Variants in RELB observed in about 807,000 individuals in gnomAD.
The protein encoded by RELB is RELB proto-oncogene, NF-kB subunit, also known as transcription factor RelB.
Under a neutral mutation model 55.4 loss-of-function variants are expected in RELB, and 14 were observed. That is an observed-to-expected ratio of 0.25 (90% CI 0.17 to 0.40). RELB has a LOEUF of 0.40. RELB is among the 10% of genes least tolerant of loss of function. RELB has a pLI of 1.00. For missense variants in RELB, 669 were observed against 830.7 expected, an observed-to-expected ratio of 0.81 and a Z score of 2.39; for synonymous variants, 409 against 371.3, an observed-to-expected ratio of 1.10 and a Z score of -1.17.
In RELB at chr19:45,009,841, G is replaced by T; in HGVS notation, c.163+19G>T. ...GAATTGGGTGAGTATCACAGGGCAG[G>T]TTTGCGGGGAGGCTGAGGGACCCAA... On this transcript the variant is annotated intron_variant, in intron 3 of 11. Coordinates refer to ENST00000221452, the MANE Select transcript of RELB (RefSeq NM_006509.4). 1 of 1,599,056 alleles carries T rather than the reference G, an allele frequency of 6.3e-7. No individual in the cohort carries two copies.
At chr19:45,020,961 G>C (rs904098207) in intron 4 of RELB, among the ~76,000 whole-genome samples, 2 of 152,144 alleles carry the variant, frequency 1.3e-5, no homozygotes, top group Non-Finnish European at 2.9e-5. Context: ...GATCGCTTGA[G>C]TTCAGGAGTT....
chr19:45,009,695 C>A, intron 2 of RELB, 119 bp from the exon 3 acceptor site: 2 of 1,173,782 alleles, frequency 1.7e-6, no homozygotes, highest in Non-Finnish European at 2.5e-6. Flanking sequence ...TTTCCCAGGA[C>A]GGAGGAAGAC....
chr19:45,022,085 G>T lies in RELB; in HGVS notation c.537G>T (p.Glu179Asp). 1 of 1,613,226 alleles carries T rather than the reference G, an allele frequency of 6.2e-7. No individual in the cohort carries two copies. Among genetic ancestry groups the T allele is most frequent in the Non-Finnish European group, 8.5e-7 (1 of 1,179,622 alleles). Residue 179 changes from glutamate to aspartate, a missense_variant, in exon 5 of 12, where the codon GAG (glutamate) becomes GAT (aspartate). Around this residue, in one of 3 missense-constraint regions of RELB, gnomAD observed 323 missense variants for 368.5 expected, o/e 0.88. Coordinates refer to ENST00000221452, the MANE Select transcript of RELB (RefSeq NM_006509.4). ...ATTGTGGAGGGCTGCGGGAGGTGGA[G>T]GTGACTGCCTGCCTGGTGTGGAAGG... Reference protein sequence around the residue: ...LRDCGGLREVEVTACLVWKDW... With the variant: ...LRDCGGLREVDVTACLVWKDW...
intron 4 of RELB, among the ~76,000 whole-genome samples, chr19:45,019,503 A>T (rs1400854815): frequency 6.6e-6 from 1 of 152,218 alleles, no homozygotes; most frequent in Admixed American, 6.6e-5. Context: ...TAGGAAAATT[A>T]GTAATCCCAT....
At chr19:45,006,941 G>A (rs1361095650) in intron 2 of RELB, among the ~76,000 whole-genome samples, 1 of 142,034 alleles carries the variant, frequency 7.0e-6, no homozygotes, top group Non-Finnish European at 1.5e-5. Flanking sequence ...GGTGACAACA[G>A]CAAAACTCCA....
chr19:45,025,783 G>A (rs1278846102), intron 7 of RELB, 46 bp downstream of exon 7: 3 of 1,611,556 alleles, frequency 1.9e-6, no homozygotes, highest in Non-Finnish European at 1.7e-6. Flanking sequence ...TTGGCTGCAG[G>A]TGTCAGAATG....
chr19:45,032,005 A>G (rs1024673107), intron 8 of RELB, among the ~76,000 whole-genome samples: 3 of 151,540 alleles, frequency 2.0e-5, no homozygotes, highest in Middle Eastern at 3.2e-3. Flanking sequence ...TGGGAGGCCA[A>G]GGCGGGCAGA....
intron 11 of RELB, 122 bp from the exon 12 acceptor site, chr19:45,037,283 G>GA (rs560232256): frequency 0.14 from 114,902 of 841,612 alleles, 3 homozygotes; most frequent in South Asian, 0.16. Flanking sequence ...CTCCATCTCA[G>GA]AAAAAAAAAA....
chr19:45,030,482 A>G (rs1485293605), intron 8 of RELB, among the ~76,000 whole-genome samples: 1 of 152,144 alleles, frequency 6.6e-6, no homozygotes, highest in African/African-American at 2.4e-5. Flanking sequence ...AAATATAAAA[A>G]TTAGCTGGGT....
At chr19:45,031,654 C>T (rs1250718046) in intron 8 of RELB, among the ~76,000 whole-genome samples, 1 of 152,006 alleles carries the variant, frequency 6.6e-6, no homozygotes, top group Non-Finnish European at 1.5e-5. Context: ...TGGCTCACTG[C>T]AAGCTCCGCC....
chr19:45,028,627 C>T (rs1401530883), intron 7 of RELB, among the ~76,000 whole-genome samples: 3 of 152,154 alleles, frequency 2.0e-5, no homozygotes, highest in Non-Finnish European at 4.4e-5. Context: ...AGCCACCATG[C>T]CCGGCAAAAG....
chr19:45,031,786 C>T (rs140876225), intron 8 of RELB, among the ~76,000 whole-genome samples: 3,433 of 150,974 alleles, frequency 0.023, 124 homozygotes, highest in African/African-American at 0.078. Context: ...CCATGTTAGC[C>T]GGGGTAGTCT....
chr19:45,025,526 C>G (rs570310233), intron 6 of RELB, 80 bp from the exon 7 acceptor site: 434 of 1,585,732 alleles, frequency 2.7e-4, no homozygotes, highest in Non-Finnish European at 5.5e-5. Flanking sequence ...CTCCTCCAGC[C>G]CCATCCCTTC....
chr19:45,032,745 C>T lies in RELB; in HGVS notation c.1203C>T (p.Asp401=). Residue 401 remains aspartate (D), a synonymous_variant, in exon 9 of 12, where the codon GAC becomes GAT. Coordinates refer to ENST00000221452, the MANE Select transcript of RELB (RefSeq NM_006509.4). ...TGCCTTTCACGTACCTGCCTCGCGA[C>T]CATGGTAACTACAGCAACCCAGGGT... ...EPLPFTYLPR[D]HDSYGVDKKR... The T allele has an allele frequency of 6.2e-7, 1 of 1,603,106 alleles. No homozygotes were observed. The highest frequency in any genetic ancestry group is 8.5e-7 in the Non-Finnish European group (1 of 1,174,802).
intron 7 of RELB, among the ~76,000 whole-genome samples, chr19:45,027,405 C>T (rs571082711): frequency 2.6e-5 from 4 of 152,240 alleles, no homozygotes; most frequent in African/African-American, 9.6e-5. Context: ...TTCTGTCTCT[C>T]AGCTGTTCTT....
chr19:45,011,518 A>G (rs1234270810), intron 3 of RELB, among the ~76,000 whole-genome samples: 2 of 150,092 alleles, frequency 1.3e-5, no homozygotes, highest in Admixed American at 6.6e-5. Context: ...GTGCAGTGTC[A>G]CGATCTTGAC....
chr19:45,025,193 C>G (rs778014350), intron 5 of RELB, 136 bp from the exon 6 acceptor site: 9 of 664,304 alleles, frequency 1.4e-5, no homozygotes, highest in Middle Eastern at 2.5e-4. Flanking sequence ...GTTTCTAATG[C>G]TGGGACCCCT....
intron 3 of RELB, among the ~76,000 whole-genome samples, chr19:45,011,058 G>A (rs1429412064): frequency 1.3e-5 from 2 of 152,076 alleles, no homozygotes; most frequent in Non-Finnish European, 1.5e-5. Flanking sequence ...CACCATGTTC[G>A]CCAGGCAGGT....
chr19:45,002,943 C>T lies in RELB; in HGVS notation c.107-6C>T. The T allele has an allele frequency of 1.2e-6, 2 of 1,613,318 alleles. No individual in the cohort carries two copies. Among genetic ancestry groups the T allele is most frequent in the Non-Finnish European group, 1.7e-6 (2 of 1,179,638 alleles). ...CACCTCCTGAGACGTTTCTCCTTCTCTGCAGGGTCCCCCGACCTCTCCTCA... is the reference window on the plus strand; with the variant it reads ...CACCTCCTGAGACGTTTCTCCTTCTTTGCAGGGTCCCCCGACCTCTCCTCA... On this transcript the variant is annotated splice_polypyrimidine_tract_variant and splice_region_variant and intron_variant, in intron 1 of 11. Coordinates refer to ENST00000221452, the MANE Select transcript of RELB (RefSeq NM_006509.4).
Sources: gnomAD v4.1 joint callset for allele counts (sites outside exome capture counted in the v4.1 genomes callset) on GRCh38, gnomAD v4.1.1 for gene constraint, gnomAD v4.1.1 regional missense constraint, MANE v1.5 for transcripts, NCBI Gene and HGNC (gene_info 2026-07-23, HGNC 2026-07-21) for gene names.